GPC5: variants seen among roughly 807,000 people sequenced by gnomAD.
GPC5 encodes the protein glypican-5.
Under a neutral mutation model 53.9 loss-of-function variants are expected in GPC5, and 47 were observed. The observed-to-expected ratio is 0.87, with a 90% CI of 0.69 to 1.11. The LOEUF (loss-of-function observed/expected upper bound fraction) is 1.11. GPC5 is among the 50% of genes most tolerant of loss of function. The pLI is 0.00. For missense variants in GPC5, 748 were observed against 713.1 expected (o/e 1.05, Z -0.56); for synonymous variants, 286 against 263.3 (o/e 1.09, Z -0.84).
At chr13:92,164,951 C>A (rs1389759185) in intron 7 of GPC5, among the ~76,000 whole-genome samples, 1 of 152,234 alleles carries the variant, frequency 6.6e-6, no homozygotes, top group Admixed American at 6.5e-5. Flanking sequence ...ATGGCCTGAG[C>A]TGTACGTTGG....
chr13:92,030,456 T>C (rs1173805205), intron 6 of GPC5, among the ~76,000 whole-genome samples: 2 of 152,194 alleles, frequency 1.3e-5, no homozygotes, highest in East Asian at 3.8e-4. Flanking sequence ...ACTTTAACTC[T>C]TTCCAGATTA....
intron 3 of GPC5, among the ~76,000 whole-genome samples, chr13:91,713,432 C>A (rs971334947): frequency 1.3e-5 from 2 of 151,912 alleles, no homozygotes. Flanking sequence ...AATATAAAAC[C>A]GAACGTGGAA....
At chr13:91,964,208 G>A (rs942578898) in intron 6 of GPC5, among the ~76,000 whole-genome samples, 6 of 152,178 alleles carry the variant, frequency 3.9e-5, no homozygotes, top group African/African-American at 1.2e-4. Context: ...GCTCACAAAG[G>A]CAGTGCAGAC....
chr13:92,535,488 G>T (rs570541108), intron 7 of GPC5, among the ~76,000 whole-genome samples: 2 of 152,050 alleles, frequency 1.3e-5, no homozygotes, highest in African/African-American at 4.8e-5. Flanking sequence ...AGGAACTAAG[G>T]GGGGGTCCAG....
chr13:92,632,463 C>CATAT (rs34336057), intron 7 of GPC5, among the ~76,000 whole-genome samples: 54 of 120,106 alleles, frequency 4.5e-4, no homozygotes, highest in Middle Eastern at 5.0e-3. Flanking sequence ...AAATATTCCA[C>CATAT]ATATATATAT....
chr13:92,743,826 G>A (rs1028404070), intron 7 of GPC5, among the ~76,000 whole-genome samples: 6 of 152,070 alleles, frequency 3.9e-5, no homozygotes, highest in Non-Finnish European at 7.4e-5. Context: ...GGCCTTTTCT[G>A]CATCTATCGA....
intron 7 of GPC5, among the ~76,000 whole-genome samples, chr13:92,634,105 T>G (rs748839622): frequency 4.3e-5 from 6 of 140,370 alleles, no homozygotes; most frequent in Non-Finnish European, 8.3e-5. Flanking sequence ...TGAATCTCTC[T>G]TGGTTACGGA....
intron 6 of GPC5, among the ~76,000 whole-genome samples, chr13:92,075,812 G>A (rs1280264662): frequency 1.3e-5 from 2 of 151,970 alleles, no homozygotes; most frequent in Non-Finnish European, 2.9e-5. Context: ...TATCATCTTA[G>A]TCTTAATTTA....
chr13:91,820,991 A>T lies in GPC5; in HGVS notation c.1280+64571A>T, dbSNP rs542968548. Among the ~76,000 whole-genome samples, 12 of 152,090 alleles carry T rather than the reference A, an allele frequency of 7.9e-5. No homozygotes were observed. In the East Asian group the frequency reaches 1.2e-3, roughly 15 times the overall value. On this transcript the variant is annotated intron_variant, in intron 5 of 7. Transcript: ENST00000377067. ...AAAAAAATAAACAAATAAAATAAAA[A>T]AAAAAAAGAATGTACTTCCAGATAA...
At chr13:92,032,263 A>G (rs1315517391) in intron 6 of GPC5, among the ~76,000 whole-genome samples, 1 of 150,880 alleles carries the variant, frequency 6.6e-6, no homozygotes. Flanking sequence ...ATACAATGAT[A>G]CAATGTACTT....
chr13:91,689,226 T>TATATAC (rs1353311929), intron 2 of GPC5, among the ~76,000 whole-genome samples: 1 of 101,382 alleles, frequency 9.9e-6, no homozygotes, highest in African/African-American at 4.5e-5. Context: ...TATATATATA[T>TATATAC]ATATACACAT....
chr13:91,507,327 C>T (rs899115114), intron 2 of GPC5, among the ~76,000 whole-genome samples: 2 of 152,138 alleles, frequency 1.3e-5, no homozygotes, highest in African/African-American at 4.8e-5. Flanking sequence ...TGTTTTCACA[C>T]TGCTGATAAA....
intron 2 of GPC5, among the ~76,000 whole-genome samples, chr13:91,584,160 T>C (rs1219377740): frequency 6.6e-6 from 1 of 152,130 alleles, no homozygotes; most frequent in African/African-American, 2.4e-5. Flanking sequence ...AAACCAGTCC[T>C]GAAGACACCC....
intron 1 of GPC5, among the ~76,000 whole-genome samples, chr13:91,422,401 C>T (rs1392408948): frequency 1.3e-5 from 2 of 151,962 alleles, no homozygotes; most frequent in African/African-American, 4.8e-5. Flanking sequence ...TTTGGGAGGC[C>T]GAGGTGGGTG....
At chr13:92,064,756 C>CAAAAAAAAAAAAAAAACAAAA (rs1175120330) in intron 6 of GPC5, among the ~76,000 whole-genome samples, 3 of 33,642 alleles carry the variant, frequency 8.9e-5, no homozygotes, top group Admixed American at 3.2e-4. Context: ...GACTCCGTCT[C>CAAAAAAAAAAAAAAAACAAAA]AAAAAAAAAA....
At chr13:91,949,549 C>A (rs900049828) in intron 6 of GPC5, among the ~76,000 whole-genome samples, 2 of 152,098 alleles carry the variant, frequency 1.3e-5, no homozygotes, top group Admixed American at 1.3e-4. Flanking sequence ...GTATAGCTTG[C>A]TAGAGTATGT....
At chr13:91,811,047 G>A (rs1008082862) in intron 5 of GPC5, among the ~76,000 whole-genome samples, 13 of 151,498 alleles carry the variant, frequency 8.6e-5, no homozygotes, top group Non-Finnish European at 1.5e-4. Context: ...ACACTAACTC[G>A]TGTCTGCCTT....
chr13:92,523,845 T>A (rs201329508), intron 7 of GPC5, among the ~76,000 whole-genome samples: 2 of 29,860 alleles, frequency 6.7e-5, no homozygotes, highest in Admixed American at 5.7e-4. Context: ...CATATAAAAG[T>A]AATGTTTAGA....
At chr13:91,729,197 T>C (rs775217086) in intron 4 of GPC5, among the ~76,000 whole-genome samples, 8 of 152,196 alleles carry the variant, frequency 5.3e-5, no homozygotes, top group Non-Finnish European at 1.0e-4. Flanking sequence ...TGGTTATCTG[T>C]TGATTCAAAA....
Sources: gnomAD v4.1 joint callset for allele counts (sites outside exome capture counted in the v4.1 genomes callset) on GRCh38, gnomAD v4.1.1 for gene constraint, MANE v1.5 for transcripts, NCBI Gene and HGNC (gene_info 2026-07-23, HGNC 2026-07-21) for gene names.